ABCB1: variants seen among roughly 807,000 people sequenced by gnomAD.
The protein encoded by ABCB1 is ATP binding cassette subfamily B member 1.
In ABCB1, 69 loss-of-function variants were observed where a neutral mutation model predicts 142.0. The observed-to-expected ratio is 0.49, with a 90% CI of 0.40 to 0.59. The LOEUF (loss-of-function observed/expected upper bound fraction) is 0.59. Among genes scored for constraint, ABCB1 ranks in the 20% least tolerant of loss-of-function variants. The pLI is 0.00. For synonymous variants in ABCB1, 532 were observed against 539.2 expected, an observed-to-expected ratio of 0.99 and a Z score of 0.18; for missense variants, 1,326 against 1,554.7, an observed-to-expected ratio of 0.85 and a Z score of 2.47.
At chr7:87,595,862 T>A in intron 2 of ABCB1, 48 bp from the exon 3 acceptor site, 1 of 1,455,174 alleles carries the variant, frequency 6.9e-7, no homozygotes, top group South Asian at 1.2e-5. Context: ...AGTACATATT[T>A]TTTAAATTAC....
In ABCB1 at chr7:87,541,454, C is replaced by A. The variant is rs1359542599; in HGVS notation, c.2222G>T (p.Arg741Ile). Residue 741 changes from arginine to isoleucine, a missense_variant, in exon 18 of 28, where the codon AGA (arginine) becomes ATA (isoleucine). By Grantham distance (97) the Arg-to-Ile change is moderately conservative (BLOSUM62 -3). Transcript: ENST00000622132. ...IFSKIIGVFT[R>I]IDDPETKRQN... ...TCGTTTTGTTTCAGGATCATCAATT[C>A]TTGTAAAAACCTGTGAGAAAACATT... 1.9e-6 allele frequency: 3 copies of A among 1,600,686 alleles called. No individual in the cohort carries two copies. The East Asian group carries it at 6.7e-5, about 36-fold the overall frequency.
At chr7:87,662,805 T>C (rs1027929192) in intron 1 of ABCB1, among the ~76,000 whole-genome samples, 7 of 152,186 alleles carry the variant, frequency 4.6e-5, no homozygotes, top group African/African-American at 7.2e-5. Flanking sequence ...ATTGGTATTT[T>C]GATAGGGATT....
intron 1 of ABCB1, among the ~76,000 whole-genome samples, chr7:87,676,378 AAAC>A (rs145424538): frequency 0.048 from 7,312 of 152,080 alleles, 250 homozygotes; most frequent in East Asian, 0.09. Context: ...ACTCAGTAGA[AAAC>A]AACAACAACA....
At chr7:87,664,875 T>C (rs1825074803) in intron 1 of ABCB1, among the ~76,000 whole-genome samples, 1 of 152,144 alleles carries the variant, frequency 6.6e-6, no homozygotes, top group African/African-American at 2.4e-5. Context: ...TCAAGAAGCT[T>C]AGCAAAGCAT....
At chr7:87,695,012 A>T (rs1033885337) in intron 1 of ABCB1, among the ~76,000 whole-genome samples, 2 of 152,156 alleles carry the variant, frequency 1.3e-5, no homozygotes, top group Admixed American at 6.6e-5. Context: ...GTTACATTTT[A>T]TAGATGAGTA....
intron 20 of ABCB1, among the ~76,000 whole-genome samples, chr7:87,533,351 AG>A (rs1218374367): frequency 1.3e-5 from 2 of 152,140 alleles, no homozygotes; most frequent in Non-Finnish European, 2.9e-5. Context: ...TCTAGGTGTG[AG>A]TTCATGGCAG....
At position 87,658,927 on chromosome 7, in the gene ABCB1, G is replaced by A. The variant is rs28746491; in HGVS notation, c.-331+54234C>T. 3.0e-3 allele frequency among the ~76,000 whole-genome samples: 459 copies of A among 152,284 alleles called. 2 individuals carry two copies. The highest frequency in any genetic ancestry group is 0.011 in the African/African-American group (441 of 41,554). ...TTTAGGCTGGGAGGCCAAAGCAAGC[G>A]GATCACTTGAGCTCAGTAGTTCAAG... On this transcript the variant is annotated intron_variant, in intron 1 of 28. Coordinates refer to the ABCB1 transcript ENST00000265724.
In ABCB1 at chr7:87,553,947, A is replaced by G. The variant is rs1817204583; in HGVS notation, c.828-15T>C. The G allele has an allele frequency of 1.3e-6, 2 of 1,597,908 alleles. No homozygotes were observed. The highest frequency in any genetic ancestry group is 2.7e-5 in the African/African-American group (2 of 74,550). Reference sequence around the variant, plus strand: ...TTTTGTTGTACCTGAGAAAAAGAACAAAAATGATCACATATACATTTTATG... The same window carrying G: ...TTTTGTTGTACCTGAGAAAAAGAACGAAAATGATCACATATACATTTTATG... On this transcript the variant is annotated splice_polypyrimidine_tract_variant and intron_variant, in intron 8 of 27. Coordinates refer to ENST00000622132, the MANE Select transcript of ABCB1 (RefSeq NM_001348946.2).
chr7:87,536,339 G>A (rs981018754), intron 20 of ABCB1, 119 bp downstream of exon 20: 1 of 860,462 alleles, frequency 1.2e-6, no homozygotes, highest in African/African-American at 1.7e-5. Context: ...TCGTAGGTTA[G>A]ATATTTATTC....
rs538005813 is a variant in ABCB1, at chr7:87,659,091, C to A, written c.-331+54070G>T. The A allele has an allele frequency of 2.0e-5, 5 of 255,924 alleles. No individual in the cohort carries two copies. In the East Asian group the frequency reaches 5.3e-4, roughly 27 times the overall value. 15.9% of individuals were successfully genotyped at this position (255,924 alleles called of 1,614,324 possible). On this transcript the variant is annotated intron_variant, in intron 1 of 28. Coordinates refer to the ABCB1 transcript ENST00000265724. Reference sequence around the variant, plus strand: ...ATCACTTAAGCCCAGGAAGTTGAGGCTGCAGTGAGCTGTGATCGTGCCATC... The same window carrying A: ...ATCACTTAAGCCCAGGAAGTTGAGGATGCAGTGAGCTGTGATCGTGCCATC...
At chr7:87,549,258 T>G in intron 14 of ABCB1, 90 bp downstream of exon 14, 1 of 1,505,614 alleles carries the variant, frequency 6.6e-7, no homozygotes, top group South Asian at 1.2e-5. Context: ...TATCAGAAAT[T>G]TCCTTTTCTA....
chr7:87,509,592 A>C, intron 25 of ABCB1, 111 bp from the exon 26 acceptor site: 1 of 1,198,068 alleles, frequency 8.3e-7, no homozygotes. Context: ...GAGATTAAGG[A>C]AAAGTTTGTG....
Position 87,550,185 on chromosome 7 carries a change from G to A in ABCB1, c.1336C>T (p.Pro446Ser). ...TVQLMQRLYD[P>S]TEGMVSVDGQ... is the part of the protein sequence containing the mutation. ...GGTCATCTCACCATCCCCTCTGTGGGGTCATAGAGCCTCTGCATCAGCTGG... is the reference window on the plus strand; with the variant it reads ...GGTCATCTCACCATCCCCTCTGTGGAGTCATAGAGCCTCTGCATCAGCTGG... The change falls in exon 12 of 28, where the codon CCC (proline) becomes TCC (serine). Residue 446 changes from proline (P) to serine (S), a missense_variant. By Grantham distance (74) the Pro-to-Ser change is moderately conservative. Coordinates refer to ENST00000622132, the MANE Select transcript of ABCB1 (RefSeq NM_001348946.2). The A allele has an allele frequency of 6.2e-7, 1 of 1,614,130 alleles. No homozygotes were observed. The highest frequency in any genetic ancestry group is 8.5e-7 in the Non-Finnish European group (1 of 1,180,040).
chr7:87,628,045 C>G (rs1030962320), intron 1 of ABCB1, among the ~76,000 whole-genome samples: 1 of 152,212 alleles, frequency 6.6e-6, no homozygotes, highest in African/African-American at 2.4e-5. Context: ...GGAGCCGGCG[C>G]GCTGCTTTCT....
intron 1 of ABCB1, among the ~76,000 whole-genome samples, chr7:87,647,345 C>T (rs1023174173): frequency 2.0e-5 from 3 of 151,954 alleles, no homozygotes; most frequent in Non-Finnish European, 4.4e-5. Context: ...TAAAAATTCC[C>T]ATTTTCTAAG....
chr7:87,522,168 A>G (rs1584843421), intron 21 of ABCB1: 8 of 1,446,894 alleles, frequency 5.5e-6, no homozygotes, highest in Non-Finnish European at 7.7e-6. Context: ...GTGGTGGTGG[A>G]TATAGTGGCA....
chr7:87,554,483 T>C (rs947146843), intron 8 of ABCB1, among the ~76,000 whole-genome samples: 1 of 152,216 alleles, frequency 6.6e-6, no homozygotes, highest in African/African-American at 2.4e-5. Flanking sequence ...GAGTTCTGAA[T>C]TGCCATGTAA....
In ABCB1 at chr7:87,566,844, T is replaced by C. The variant is rs774736214; in HGVS notation, c.471A>G (p.Arg157=). 8 of 1,614,204 alleles carry C rather than the reference T, an allele frequency of 5.0e-6. No homozygotes were observed. In the Middle Eastern group the frequency reaches 8.2e-4, roughly 166 times the overall value. Residue 157 remains arginine (R), a synonymous_variant, in exon 6 of 28, where the codon CGA becomes CGG. Transcript: ENST00000622132. ...GCACATCAAACCAGCCTATCTCCTGTCGCATTATAGCATGAAAAAACTGTT... is the reference window on the plus strand; with the variant it reads ...GCACATCAAACCAGCCTATCTCCTGCCGCATTATAGCATGAAAAAACTGTT... ...IRKQFFHAIM[R]QEIGWFDVHD...
At chr7:87,511,588 C>T (rs1301784502) in intron 25 of ABCB1, among the ~76,000 whole-genome samples, 1 of 152,162 alleles carries the variant, frequency 6.6e-6, no homozygotes, top group Non-Finnish European at 1.5e-5. Flanking sequence ...TTCATAGCAA[C>T]ACTTATAAGG....
Sources: allele counts gnomAD v4.1 joint callset (sites outside exome capture counted in the v4.1 genomes callset), GRCh38; gene constraint gnomAD v4.1.1; transcripts MANE v1.5; gene names NCBI Gene and HGNC (gene_info 2026-07-23, HGNC 2026-07-21).